STRBP: variants seen among roughly 807,000 people sequenced by gnomAD.
The protein encoded by STRBP is spermatid perinuclear RNA-binding protein.
STRBP carries 13 observed loss-of-function variants against 80.1 expected under a neutral mutation model. That is an observed-to-expected ratio of 0.16 (90% CI 0.11 to 0.26). STRBP has a LOEUF of 0.26. STRBP is among the 10% of genes least tolerant of loss of function. The pLI is 1.00. For missense variants in STRBP, 485 were observed against 815.2 expected, an observed-to-expected ratio of 0.59 and a Z score of 4.93; for synonymous variants, 284 against 291.2, an observed-to-expected ratio of 0.98 and a Z score of 0.25.
In STRBP at chr9:123,173,677, C is replaced by T; in HGVS notation, c.390G>A (p.Gln130=). ...AGAGGTGCAGTTAAACTGTACTCAC[C>T]TGAATCTGAATAGGAAGATTATCTT... The part of the protein sequence containing the change: ...TVKDNLPIQI[Q]KLTEEKYQVE... Residue 130 remains glutamine, a splice_region_variant and synonymous_variant, in exon 5 of 19, where the codon CAG becomes CAA. Transcript: ENST00000348403. 6.2e-7 allele frequency: 1 copy of T among 1,608,172 alleles called. No individual in the cohort carries two copies. Among genetic ancestry groups the T allele is most frequent in the Non-Finnish European group, 8.5e-7 (1 of 1,178,016 alleles).
At chr9:123,233,452 T>C (rs1322700632) in intron 2 of STRBP, among the ~76,000 whole-genome samples, 3 of 152,168 alleles carry the variant, frequency 2.0e-5, no homozygotes, top group South Asian at 2.1e-4. Flanking sequence ...GTCAAAATGT[T>C]TAGGGGTAAA....
intron 3 of STRBP, among the ~76,000 whole-genome samples, chr9:123,182,045 T>C (rs192062238): frequency 9.3e-5 from 14 of 150,470 alleles, no homozygotes; most frequent in Admixed American, 3.3e-4. Context: ...TGAAACCCTA[T>C]CTCTACTAAA....
At chr9:123,228,718 A>C (rs1564320224) in intron 2 of STRBP, among the ~76,000 whole-genome samples, 1 of 152,202 alleles carries the variant, frequency 6.6e-6, no homozygotes, top group Non-Finnish European at 1.5e-5. Flanking sequence ...CAAGATGAAG[A>C]AACTTGAACT....
chr9:123,211,825 T>C (rs986256584), intron 2 of STRBP, among the ~76,000 whole-genome samples: 2 of 152,196 alleles, frequency 1.3e-5, no homozygotes, highest in African/African-American at 4.8e-5. Flanking sequence ...ATTTGACTCA[T>C]GGTATATCCA....
chr9:123,131,429 C>T (rs540170010), intron 17 of STRBP, among the ~76,000 whole-genome samples: 2 of 152,332 alleles, frequency 1.3e-5, no homozygotes, highest in South Asian at 2.1e-4. Flanking sequence ...TCCACACATT[C>T]TGGACTTCTG....
At chr9:123,246,082 T>C (rs1489856194) in intron 1 of STRBP, among the ~76,000 whole-genome samples, 1 of 152,152 alleles carries the variant, frequency 6.6e-6, no homozygotes, top group Non-Finnish European at 1.5e-5. Flanking sequence ...CTTTCCAAAA[T>C]CTCTCAAGCC....
intron 2 of STRBP, among the ~76,000 whole-genome samples, chr9:123,186,360 A>G (rs1044305038): frequency 1.3e-5 from 2 of 152,206 alleles, no homozygotes; most frequent in African/African-American, 4.8e-5. Flanking sequence ...AAATAATTGA[A>G]TAGATTGAAG....
At chr9:123,257,512 G>GTCCATGAATACTTTATC (rs1418851856) in intron 1 of STRBP, among the ~76,000 whole-genome samples, 1 of 152,090 alleles carries the variant, frequency 6.6e-6, no homozygotes, top group African/African-American at 2.4e-5. Flanking sequence ...AAAAGTCAGA[G>GTCCATGAATACTTTATC]TCCATGAATA....
chr9:123,219,106 A>G (rs561877645), intron 2 of STRBP, among the ~76,000 whole-genome samples: 136 of 152,274 alleles, frequency 8.9e-4, no homozygotes, highest in African/African-American at 2.9e-3. Context: ...CCCGTCCCTA[A>G]ACCATTCTAC....
intron 2 of STRBP, among the ~76,000 whole-genome samples, chr9:123,201,233 G>T (rs1172957845): frequency 6.6e-6 from 1 of 151,934 alleles, no homozygotes; most frequent in African/African-American, 2.4e-5. Flanking sequence ...ATTTAGTTCT[G>T]CTCTGATCTT....
intron 2 of STRBP, among the ~76,000 whole-genome samples, chr9:123,216,189 G>A (rs1296954705): frequency 6.6e-6 from 1 of 152,110 alleles, no homozygotes; most frequent in Non-Finnish European, 1.5e-5. Context: ...TGCCTGGCAT[G>A]GACTGAATGA....
At chr9:123,134,068 C>T (rs991711557) in intron 16 of STRBP, among the ~76,000 whole-genome samples, 5 of 152,014 alleles carry the variant, frequency 3.3e-5, no homozygotes, top group African/African-American at 1.2e-4. Context: ...TCTAAAAATA[C>T]AACAGATAAC....
At chr9:123,193,765 A>G (rs1013751161) in intron 2 of STRBP, among the ~76,000 whole-genome samples, 4 of 152,044 alleles carry the variant, frequency 2.6e-5, no homozygotes, top group Non-Finnish European at 5.9e-5. Context: ...GTGATCCATC[A>G]TTTATCATTC....
At chr9:123,256,777 A>C (rs976443132) in intron 1 of STRBP, among the ~76,000 whole-genome samples, 3 of 151,988 alleles carry the variant, frequency 2.0e-5, no homozygotes. Flanking sequence ...ATTTAGACAG[A>C]CCAATTAACC....
chr9:123,220,713 A>G (rs142365200), intron 2 of STRBP, among the ~76,000 whole-genome samples: 1 of 152,374 alleles, frequency 6.6e-6, no homozygotes, highest in African/African-American at 2.4e-5. Context: ...ACCCACTAAC[A>G]GGACTGTATA....
intron 2 of STRBP, among the ~76,000 whole-genome samples, chr9:123,192,736 G>A (rs996456906): frequency 6.6e-6 from 1 of 152,144 alleles, no homozygotes; most frequent in Non-Finnish European, 1.5e-5. Flanking sequence ...GTTTTACTAT[G>A]TTTTACCATT....
rs1434720586 is a variant in STRBP, at chr9:123,132,902, T to C, written c.1840A>G (p.Thr614Ala). Residue 614 changes from threonine (T) to alanine (A), a missense_variant, in exon 17 of 19, where the codon ACT becomes GCT. Physicochemically the swap from Thr to Ala is moderately conservative, Grantham distance 58 (BLOSUM62 0). Coordinates refer to ENST00000348403, the MANE Select transcript of STRBP (RefSeq NM_018387.5). ...CCAACAAAAGCTCCCCTTGTTAGAG[T>C]TCCTCTTCCTCTGCCCCGAACAGCT... ...VQAVRGRGRG[T>A]LTRGAFVGAT... 8.1e-6 allele frequency: 13 copies of C among 1,614,114 alleles called. No homozygotes were observed. The East Asian group carries it at 2.9e-4, about 36-fold the overall frequency.
At position 123,123,904 on chromosome 9, in the gene STRBP, T is replaced by C. The variant is rs978005078; in HGVS notation, c.*1693A>G. On this transcript the variant is annotated 3_prime_UTR_variant, in exon 19 of 19. Coordinates refer to ENST00000348403, the MANE Select transcript of STRBP (RefSeq NM_018387.5). ...GAAACATGAAAACTCCCAGCTGAAA[T>C]GGGCCCTCTTGTTTATGTCTAGCCA... The C allele has an allele frequency of 7.1e-6, 7 of 985,278 alleles. No individual in the cohort carries two copies. Among genetic ancestry groups the C allele is most frequent in the Non-Finnish European group, 8.4e-6 (7 of 829,932 alleles). 61.0% of individuals were successfully genotyped at this position (985,278 alleles called of 1,614,324 possible).
intron 18 of STRBP, among the ~76,000 whole-genome samples, chr9:123,125,934 T>C (rs1052325464): frequency 1.3e-5 from 2 of 152,222 alleles, no homozygotes; most frequent in African/African-American, 4.8e-5. Flanking sequence ...TGAGCTACCA[T>C]GAATTCTGAA....
Sources: allele counts gnomAD v4.1 joint callset (sites outside exome capture counted in the v4.1 genomes callset), GRCh38; gene constraint gnomAD v4.1.1; transcripts MANE v1.5; gene names NCBI Gene and HGNC (gene_info 2026-07-23, HGNC 2026-07-21).